TMEM216: variants seen among roughly 807,000 people sequenced by gnomAD.
TMEM216 encodes cerebello-oculo-renal syndrome 2.
Under a neutral mutation model 17.8 loss-of-function variants are expected in TMEM216, and 15 were observed. The ratio of observed to expected loss-of-function variants is 0.84; its 90% confidence interval spans 0.56 to 1.30. TMEM216 has a LOEUF of 1.30. Ranked by LOEUF, TMEM216 falls within the 50% of genes most tolerant of loss-of-function variation. TMEM216 has a pLI of 0.00. For missense variants in TMEM216, 160 were observed against 175.7 expected, an observed-to-expected ratio of 0.91 and a Z score of 0.51; for synonymous variants, 58 against 73.5, an observed-to-expected ratio of 0.79 and a Z score of 1.08.
In TMEM216 at chr11:61,397,954, T is replaced by C. The variant is rs1351762820; in HGVS notation, c.410T>C (p.Leu137Pro). Reference sequence around the variant, plus strand: ...GGCTCAGAGCTTTTACTTGAGGTGCTCACCTTGGCTGCTTTCTCCAGGTAC... The same window carrying C: ...GGCTCAGAGCTTTTACTTGAGGTGCCCACCTTGGCTGCTTTCTCCAGGTAC... ...FCGSELLLEVLTLAAFSRI is the reference protein window; with the variant it reads ...FCGSELLLEVPTLAAFSRI The change falls in exon 4 of 5, where the codon CTC becomes CCC. Residue 137 changes from leucine to proline, a missense_variant. Coordinates refer to ENST00000515837, the MANE Select transcript of TMEM216 (RefSeq NM_001173990.3). The C allele has an allele frequency of 1.8e-5, 29 of 1,613,884 alleles. No homozygotes were observed. Among genetic ancestry groups the C allele is most frequent in the Non-Finnish European group, 2.5e-5 (29 of 1,179,890 alleles).
intron 3 of TMEM216, among the ~76,000 whole-genome samples, chr11:61,394,982 CATTT>C (rs895293622): frequency 9.9e-5 from 15 of 151,288 alleles, no homozygotes; most frequent in African/African-American, 3.2e-4. Flanking sequence ...GTTTTTTAAA[CATTT>C]ATTTATTTGA....
chr11:61,396,410 C>T (rs535089238), intron 3 of TMEM216, among the ~76,000 whole-genome samples: 9 of 151,898 alleles, frequency 5.9e-5, no homozygotes, highest in South Asian at 2.1e-4. Flanking sequence ...GCCCGGGAGG[C>T]GGAAGTTGCA....
At chr11:61,395,770 A>G (rs926061750) in intron 3 of TMEM216, among the ~76,000 whole-genome samples, 32 of 152,066 alleles carry the variant, frequency 2.1e-4, no homozygotes, top group African/African-American at 7.7e-4. Context: ...ATGGCAGTTC[A>G]TGTAAAAATA....
intron 3 of TMEM216, 63 bp from the exon 4 acceptor site, chr11:61,397,711 C>A (rs1473512295): frequency 1.3e-6 from 2 of 1,499,522 alleles, no homozygotes; most frequent in African/African-American, 2.8e-5. Flanking sequence ...ATCTCCCACG[C>A]CTTTCCCCTG....
chr11:61,395,821 C>T (rs760448292), intron 3 of TMEM216, among the ~76,000 whole-genome samples: 5 of 151,876 alleles, frequency 3.3e-5, no homozygotes, highest in Non-Finnish European at 5.9e-5. Flanking sequence ...TGCTCAAACT[C>T]GCTAATAAAA....
chr11:61,398,333 T>A lies in TMEM216; in HGVS notation c.*57T>A. The A allele has an allele frequency of 6.3e-7, 1 of 1,584,654 alleles. No individual in the cohort carries two copies. On this transcript the variant is annotated 3_prime_UTR_variant, in exon 5 of 5. Transcript: ENST00000515837. ...CTGACACCACACATATTGCTTCTGGTACTTTAGCCACACCAGTGAGAATTG... is the reference window on the plus strand; with the variant it reads ...CTGACACCACACATATTGCTTCTGGAACTTTAGCCACACCAGTGAGAATTG...
chr11:61,397,699 A>G, intron 3 of TMEM216, 75 bp from the exon 4 acceptor site: 1 of 1,388,196 alleles, frequency 7.2e-7, no homozygotes, highest in Non-Finnish European at 1.0e-6. Context: ...CCATTCCATC[A>G]CATCTCCCAC....
rs1401817370 is a variant in TMEM216, at chr11:61,397,973, C to T, written c.429C>T (p.Ser143=). 1 of 1,613,636 alleles carries T rather than the reference C, an allele frequency of 6.2e-7. No individual in the cohort carries two copies. The highest frequency in any genetic ancestry group is 1.1e-5 in the South Asian group (1 of 91,086). ...AGGTGCTCACCTTGGCTGCTTTCTC[C>T]AGGTACTGCTGCTGAGGGACCATTT... The part of the protein sequence containing the change: ...LLEVLTLAAF[S]RI The change falls in exon 4 of 5, where the codon TCC becomes TCT. Residue 143 remains serine (S), a splice_region_variant and synonymous_variant. Coordinates refer to ENST00000515837, the MANE Select transcript of TMEM216 (RefSeq NM_001173990.3).
chr11:61,396,166 C>T (rs1488517011), intron 3 of TMEM216, among the ~76,000 whole-genome samples: 1 of 152,128 alleles, frequency 6.6e-6, no homozygotes, highest in Non-Finnish European at 1.5e-5. Flanking sequence ...ACTGATTCAA[C>T]GGACTTGTAT....
chr11:61,397,670 GATT>G, intron 3 of TMEM216, 101 bp from the exon 4 acceptor site: 2 of 1,035,408 alleles, frequency 1.9e-6, no homozygotes, highest in Non-Finnish European at 1.5e-6. Flanking sequence ...CCCCACTCAG[GATT>G]ATTTTTTGTG....
intron 1 of TMEM216, chr11:61,393,026 A>T: frequency 2.1e-6 from 1 of 486,684 alleles, no homozygotes; most frequent in Non-Finnish European, 2.7e-6. Context: ...GTCGAGTTTC[A>T]CGGTGATTCC....
chr11:61,397,228 G>A (rs992374461), intron 3 of TMEM216, among the ~76,000 whole-genome samples: 26 of 150,934 alleles, frequency 1.7e-4, no homozygotes, highest in Admixed American at 2.6e-4. Context: ...GTGCAGTGGC[G>A]TGACCTCTGC....
chr11:61,393,953 T>C lies in TMEM216; in HGVS notation c.206T>C (p.Ile69Thr), dbSNP rs780756933. ...GTGATGCTCCTCCTTTATCTTGGAA[T>C]TGAAGTAATTCGCCTGTTTTTTGGT... ...DVVMLLLYLG[I>T]EVIRLFFGTK... Residue 69 changes from isoleucine to threonine, a missense_variant, in exon 3 of 5, where the codon ATT becomes ACT. Transcript: ENST00000515837. 2 of 1,614,052 alleles carry C rather than the reference T, an allele frequency of 1.2e-6. No individual in the cohort carries two copies. The highest frequency in any genetic ancestry group is 1.7e-5 in the Admixed American group (1 of 60,026).
At chr11:61,397,685 C>G (rs1335633118) in intron 3 of TMEM216, 89 bp from the exon 4 acceptor site, 1 of 1,228,386 alleles carries the variant, frequency 8.1e-7, no homozygotes, top group Non-Finnish European at 1.2e-6. Flanking sequence ...TTTTTTGTGC[C>G]TTGCCATTCC....
rs375734690 is a variant in TMEM216, at chr11:61,398,278, G to C, written c.*2G>C. The C allele has an allele frequency of 9.3e-6, 15 of 1,611,742 alleles. No individual in the cohort carries two copies. In the African/African-American group the frequency reaches 2.0e-4, roughly 21 times the overall value. Reference sequence around the variant, plus strand: ...TGCCATCGTATGGACAGGATTTGAAGTACAGAATTTCAGCCAGCAGCCCAT... The same window carrying C: ...TGCCATCGTATGGACAGGATTTGAACTACAGAATTTCAGCCAGCAGCCCAT... On this transcript the variant is annotated 3_prime_UTR_variant, in exon 5 of 5. Coordinates refer to ENST00000515837, the MANE Select transcript of TMEM216 (RefSeq NM_001173990.3).
At chr11:61,393,752 G>C in intron 2 of TMEM216, 132 bp from the exon 3 acceptor site, 1 of 650,666 alleles carries the variant, frequency 1.5e-6, no homozygotes. Flanking sequence ...TCCTGCTGCT[G>C]TAATAATGCC....
rs1476660612 is a variant in TMEM216 at position 61,392,593 on chromosome 11, G to C, written c.-39G>C. On this transcript the variant is annotated 5_prime_UTR_variant, in exon 1 of 5. Coordinates refer to ENST00000515837, the MANE Select transcript of TMEM216 (RefSeq NM_001173990.3). ...CCCAGGCCGCTTCGTCCCTGTTTCC[G>C]GCAGCGCCGCGCTGCTCCGGGAGCC... The C allele has an allele frequency of 2.6e-6, 4 of 1,532,594 alleles. No homozygotes were observed. Among genetic ancestry groups the C allele is most frequent in the Non-Finnish European group, 3.5e-6 (4 of 1,144,840 alleles). 94.9% of individuals were successfully genotyped at this position (1,532,594 alleles called of 1,614,324 possible). A position where few individuals can be genotyped will look rare whatever the true frequency, so the allele number is the denominator to read the frequency against.
rs181482889 is a variant in TMEM216 at position 61,396,776 on chromosome 11, A to G, written c.230-998A>G. Among the ~76,000 whole-genome samples the G allele has an allele frequency of 4.2e-3, 645 of 151,874 alleles. 8 individuals are homozygous for G. The highest frequency in any genetic ancestry group is 0.015 in the African/African-American group (620 of 41,408). On this transcript the variant is annotated intron_variant, in intron 3 of 4. Coordinates refer to ENST00000515837, the MANE Select transcript of TMEM216 (RefSeq NM_001173990.3). ...TCCATTGCACTCCAGCCTGGGTGAC[A>G]AGAAACTCCGTCTCAATAAAAAAAA...
Position 61,397,879 on chromosome 11 carries a change from A to G in TMEM216, c.335A>G (p.Tyr112Cys), listed in dbSNP as rs1170057144. Residue 112 changes from tyrosine to cysteine, a missense_variant, in exon 4 of 5, where the codon TAC (tyrosine) becomes TGC (cysteine). Tyr to Cys is a radical substitution (Grantham distance 194). Coordinates refer to ENST00000515837, the MANE Select transcript of TMEM216 (RefSeq NM_001173990.3). The part of the protein sequence containing the change: ...MASYYLLLQT[Y>C]VLRLEAIMNG... ...TCCTATTACCTGCTGCTGCAGACCT[A>G]CGTACTCCGCCTGGAAGCCATCATG... The G allele has an allele frequency of 1.9e-6, 3 of 1,613,774 alleles. No homozygotes were observed. The African/African-American group carries it at 4.0e-5, about 22-fold the overall frequency.
Sources: allele counts gnomAD v4.1 joint callset (sites outside exome capture counted in the v4.1 genomes callset), GRCh38; gene constraint gnomAD v4.1.1; transcripts MANE v1.5; gene names NCBI Gene and HGNC (gene_info 2026-07-23, HGNC 2026-07-21).